MACO1: variants seen among roughly 807,000 people sequenced by gnomAD.
The protein encoded by MACO1 is macoilin 1, also known as macoilin.
Under a neutral mutation model 78.7 loss-of-function variants are expected in MACO1, and 14 were observed. The observed-to-expected ratio is 0.18, with a 90% confidence interval of 0.12 to 0.28. The LOEUF is 0.28. MACO1 is among the 10% of genes least tolerant of loss of function. The pLI is 1.00. For missense variants in MACO1, 501 were observed against 799.0 expected, an observed-to-expected ratio of 0.63 and a Z score of 4.50; for synonymous variants, 288 against 291.6, an observed-to-expected ratio of 0.99 and a Z score of 0.12.
chr1:25,448,450 C>T (rs1379472239), intron 2 of MACO1, among the ~76,000 whole-genome samples: 3 of 151,454 alleles, frequency 2.0e-5, no homozygotes, highest in African/African-American at 4.9e-5. Context: ...GGTGACAGAG[C>T]GAGACTCCAT....
At chr1:25,491,875 T>C (rs2043489175) in intron 10 of MACO1, among the ~76,000 whole-genome samples, 1 of 152,160 alleles carries the variant, frequency 6.6e-6, no homozygotes, top group African/African-American at 2.4e-5. Flanking sequence ...CATCAAAAGG[T>C]GCTTAGGTAT....
At chr1:25,469,532 T>C (rs923388231) in intron 6 of MACO1, among the ~76,000 whole-genome samples, 1 of 152,200 alleles carries the variant, frequency 6.6e-6, no homozygotes, top group Non-Finnish European at 1.5e-5. Flanking sequence ...TGGCACACAT[T>C]GCTCAAATGT....
At chr1:25,464,866 G>C (rs1002097503) in intron 6 of MACO1, among the ~76,000 whole-genome samples, 1 of 151,814 alleles carries the variant, frequency 6.6e-6, no homozygotes, top group South Asian at 2.1e-4. Context: ...GTAGAGATGG[G>C]GTTTCACCAT....
intron 6 of MACO1, among the ~76,000 whole-genome samples, chr1:25,461,012 C>G (rs1384811151): frequency 6.6e-6 from 1 of 151,764 alleles, no homozygotes; most frequent in Non-Finnish European, 1.5e-5. Context: ...ACATATACAC[C>G]ATGGAATACT....
intron 6 of MACO1, among the ~76,000 whole-genome samples, chr1:25,479,928 T>C (rs1319560049): frequency 6.6e-6 from 1 of 152,190 alleles, no homozygotes; most frequent in East Asian, 1.9e-4. Context: ...TATATTTACA[T>C]GTACGAAGAA....
At chr1:25,484,832 A>T (rs962953677) in intron 7 of MACO1, among the ~76,000 whole-genome samples, 1 of 152,106 alleles carries the variant, frequency 6.6e-6, no homozygotes, top group African/African-American at 2.4e-5. Flanking sequence ...GGTAGTGATG[A>T]TCATTACAGG....
chr1:25,459,834 T>A (rs1366209172), intron 6 of MACO1, among the ~76,000 whole-genome samples: 2 of 152,140 alleles, frequency 1.3e-5, no homozygotes, highest in African/African-American at 4.8e-5. Flanking sequence ...TTTACTATAT[T>A]TTATATGGCT....
At chr1:25,475,967 G>A (rs544133059) in intron 6 of MACO1, among the ~76,000 whole-genome samples, 1 of 152,192 alleles carries the variant, frequency 6.6e-6, no homozygotes, top group African/African-American at 2.4e-5. Flanking sequence ...AATCAAATAT[G>A]AATGTACTGT....
At chr1:25,482,319 T>C (rs1355591433) in intron 6 of MACO1, among the ~76,000 whole-genome samples, 1 of 152,158 alleles carries the variant, frequency 6.6e-6, no homozygotes, top group Non-Finnish European at 1.5e-5. Context: ...AGATCCAGCC[T>C]CTGTAGATCT....
rs146791761 is a variant in MACO1 at position 25,435,992 on chromosome 1, G to C, written c.80+4814G>C. Among the ~76,000 whole-genome samples the C allele has an allele frequency of 4.9e-4, 75 of 152,264 alleles. 1 individual carries two copies. The East Asian group carries it at 0.013, about 27-fold the overall frequency. On this transcript the variant is annotated intron_variant, in intron 1 of 10. Coordinates refer to ENST00000374343, the MANE Select transcript of MACO1 (RefSeq NM_018202.6). ...GAAAATCCCTTTAAATTGCTGCTGG[G>C]TTGAGGAGGGGAACAGGAGAGAACG...
intron 6 of MACO1, among the ~76,000 whole-genome samples, chr1:25,468,709 T>C (rs1229565318): frequency 2.0e-5 from 3 of 152,078 alleles, no homozygotes; most frequent in Non-Finnish European, 4.4e-5. Flanking sequence ...TGAAAGGAAA[T>C]GGGGAAAACA....
chr1:25,460,012 T>C (rs2043157079), intron 6 of MACO1, among the ~76,000 whole-genome samples: 1 of 152,208 alleles, frequency 6.6e-6, no homozygotes, highest in Non-Finnish European at 1.5e-5. Flanking sequence ...GGCAGCCCTT[T>C]AGGCAGTCCG....
chr1:25,472,816 C>T (rs1193241712), intron 6 of MACO1, among the ~76,000 whole-genome samples: 1 of 152,200 alleles, frequency 6.6e-6, no homozygotes, highest in Non-Finnish European at 1.5e-5. Flanking sequence ...GCGACCACAG[C>T]CGGCCTTTCT....
intron 2 of MACO1, among the ~76,000 whole-genome samples, chr1:25,447,384 A>G (rs762683254): frequency 1.4e-4 from 22 of 152,250 alleles, no homozygotes; most frequent in Non-Finnish European, 2.8e-4. Flanking sequence ...AATGTGGCTT[A>G]TATCTATCCA....
At chr1:25,473,856 T>C (rs1031525166) in intron 6 of MACO1, among the ~76,000 whole-genome samples, 2 of 152,260 alleles carry the variant, frequency 1.3e-5, no homozygotes, top group Admixed American at 6.5e-5. Context: ...TTTCAGTTTC[T>C]TTTTTATAGG....
At chr1:25,438,730 C>T (rs1360255929) in intron 1 of MACO1, among the ~76,000 whole-genome samples, 1 of 152,174 alleles carries the variant, frequency 6.6e-6, no homozygotes, top group Non-Finnish European at 1.5e-5. Flanking sequence ...TGGCGAAACC[C>T]CGTCTCTACT....
At chr1:25,439,997 A>G (rs35345536) in intron 1 of MACO1, among the ~76,000 whole-genome samples, 73,784 of 149,280 alleles carry the variant, frequency 0.49, 18,635 homozygotes, top group Non-Finnish European at 0.54. Context: ...TAGCCTGGGC[A>G]ACAAGCGAAA....
intron 6 of MACO1, among the ~76,000 whole-genome samples, chr1:25,464,529 G>C (rs2043199272): frequency 6.6e-6 from 1 of 151,730 alleles, no homozygotes; most frequent in Admixed American, 6.6e-5. Context: ...ATTTTTGGTA[G>C]AGATGGGGTT....
At chr1:25,490,996 C>T (rs1169293906) in intron 9 of MACO1, among the ~76,000 whole-genome samples, 1 of 152,084 alleles carries the variant, frequency 6.6e-6, no homozygotes, top group African/African-American at 2.4e-5. Flanking sequence ...TTAAAGTGGG[C>T]TTATTCTGCA....
Sources: allele counts gnomAD v4.1 joint callset (sites outside exome capture counted in the v4.1 genomes callset), GRCh38; gene constraint gnomAD v4.1.1; transcripts MANE v1.5; gene names NCBI Gene and HGNC (gene_info 2026-07-23, HGNC 2026-07-21).